Variants in HHIPL1 observed in about 807,000 individuals in gnomAD.
The protein encoded by HHIPL1 is HHIP-like protein 1.
HHIPL1 carries 43 observed loss-of-function variants against 61.8 expected under a neutral mutation model. That is an observed-to-expected ratio of 0.70 (90% CI 0.55 to 0.90). The LOEUF is 0.90. Among genes scored for constraint, HHIPL1 ranks in the 40% least tolerant of loss-of-function variants. The pLI, the probability that HHIPL1 is intolerant of heterozygous loss-of-function variation, is 0.00. For synonymous variants in HHIPL1, 482 were observed against 515.8 expected (o/e 0.93, Z 0.89); for missense variants, 1,056 against 1,157.7 (o/e 0.91, Z 1.28).
intron 2 of HHIPL1, among the ~76,000 whole-genome samples, chr14:99,653,664 C>T (rs766180338): frequency 9.9e-5 from 15 of 152,234 alleles, no homozygotes; most frequent in Admixed American, 2.0e-4. Context: ...TGCTCTCCTT[C>T]CTGCCCTGAA....
At chr14:99,642,804 A>G (rs1005036931), upstream of HHIPL1, among the ~76,000 whole-genome samples, 104 of 151,852 alleles carry the variant, frequency 6.8e-4, no homozygotes, top group African/African-American at 2.2e-3. Context: ...GGTTACAGGC[A>G]TGAGCCACTG....
chr14:99,650,493 G>A (rs1276430908), intron 1 of HHIPL1, among the ~76,000 whole-genome samples: 1 of 152,250 alleles, frequency 6.6e-6, no homozygotes, highest in Non-Finnish European at 1.5e-5. Flanking sequence ...TGGAGCTGTA[G>A]GGGTAGGGTG....
upstream of HHIPL1, among the ~76,000 whole-genome samples, chr14:99,641,730 A>G (rs1289750082): frequency 6.6e-6 from 1 of 150,958 alleles, no homozygotes; most frequent in Non-Finnish European, 1.5e-5. Flanking sequence ...CCTGGTTTCT[A>G]ATGTTTGCTG....
chr14:99,656,818 A>AG (rs2056040556), intron 2 of HHIPL1, among the ~76,000 whole-genome samples, 182 bp from the exon 3 acceptor site: 2 of 6,170 alleles, frequency 3.2e-4, no homozygotes, highest in Admixed American at 6.0e-3. Flanking sequence ...AAAGAAAGAA[A>AG]GAAAGAAAGA....
the HHIPL1 span, among the ~76,000 whole-genome samples, chr14:99,605,580 G>A: frequency 6.6e-6 from 1 of 152,228 alleles, no homozygotes; most frequent in African/African-American, 2.4e-5. Context: ...ATTCTGCAGG[G>A]CACCGAACTG....
upstream of HHIPL1, among the ~76,000 whole-genome samples, chr14:99,643,530 A>C (rs2055780495): frequency 6.6e-6 from 1 of 152,170 alleles, no homozygotes; most frequent in South Asian, 2.1e-4. Context: ...GCTGTGGCCC[A>C]GGCTCTGTGT....
chr14:99,637,259 A>AGAAG, the HHIPL1 span, among the ~76,000 whole-genome samples: 1 of 146,736 alleles, frequency 6.8e-6, no homozygotes, highest in Non-Finnish European at 1.5e-5. Flanking sequence ...AAAGAAAGAA[A>AGAAG]GAAAGAAAAA....
chr14:99,649,202 G>A lies in HHIPL1; in HGVS notation c.256-3022G>A, dbSNP rs115527240. On this transcript the variant is annotated intron_variant, in intron 1 of 8. Coordinates refer to ENST00000330710, the MANE Select transcript of HHIPL1 (RefSeq NM_001127258.3). Reference sequence around the variant, plus strand: ...TGTGTGATTGGGACGCACGGATGCCGAGGTCTTCGGCCTGGCTCCCTGAGG... The same window carrying A: ...TGTGTGATTGGGACGCACGGATGCCAAGGTCTTCGGCCTGGCTCCCTGAGG... Among the ~76,000 whole-genome samples the A allele has an allele frequency of 2.2e-3, 331 of 152,296 alleles. 1 individual carries two copies. The highest frequency in any genetic ancestry group is 7.2e-3 in the African/African-American group (299 of 41,556).
chr14:99,642,203 G>C (rs907748766), upstream of HHIPL1, among the ~76,000 whole-genome samples: 3 of 152,168 alleles, frequency 2.0e-5, 1 homozygote, highest in Admixed American at 2.0e-4. Context: ...ACCTCCCAAA[G>C]TGCTGGGATT....
chr14:99,636,706 G>A, the HHIPL1 span, among the ~76,000 whole-genome samples: 2 of 152,070 alleles, frequency 1.3e-5, no homozygotes. Flanking sequence ...TGCAGCAAGA[G>A]GCCAGGCGTG....
upstream of HHIPL1, among the ~76,000 whole-genome samples, chr14:99,640,880 T>C (rs1382588260): frequency 4.7e-5 from 6 of 127,506 alleles, no homozygotes; most frequent in South Asian, 2.7e-4. Flanking sequence ...TCTTCTTCTT[T>C]TTTTTTTTTT....
rs1313870911 is a variant in HHIPL1, at chr14:99,668,974, G to A, written c.1730+671G>A. ...GGGCCTGGGGCCCAGGGCCAGGGTGGGGCCCAGGCCACTGGCTCCAGAGCC... is the reference window on the plus strand; with the variant it reads ...GGGCCTGGGGCCCAGGGCCAGGGTGAGGCCCAGGCCACTGGCTCCAGAGCC... On this transcript the variant is annotated intron_variant, in intron 7 of 8. Transcript: ENST00000330710. This position sits in a 1 kb window ranked among gnomAD's most constrained non-coding sequence, Gnocchi z 4.7. 1.3e-6 allele frequency: 2 copies of A among 1,577,466 alleles called. No homozygotes were observed. Among genetic ancestry groups the A allele is most frequent in the Admixed American group, 1.8e-5 (1 of 55,236 alleles).
At chr14:99,674,607 C>T (rs1023173441) in intron 8 of HHIPL1, among the ~76,000 whole-genome samples, 2 of 152,154 alleles carry the variant, frequency 1.3e-5, no homozygotes, top group African/African-American at 2.4e-5. Flanking sequence ...AGACCCGCAG[C>T]AGTTTTTACC....
the HHIPL1 span, among the ~76,000 whole-genome samples, chr14:99,609,668 G>A: frequency 5.3e-5 from 8 of 152,340 alleles, no homozygotes; most frequent in South Asian, 1.5e-3. Context: ...ACCGCCAGGG[G>A]CAGCAGTGAG....
chr14:99,614,261 A>G, the HHIPL1 span, among the ~76,000 whole-genome samples: 1 of 152,176 alleles, frequency 6.6e-6, no homozygotes, highest in East Asian at 1.9e-4. Flanking sequence ...GGTGCCCCGG[A>G]GCCCAGAGTC....
the HHIPL1 span, among the ~76,000 whole-genome samples, chr14:99,631,144 G>A: frequency 7.3e-6 from 1 of 137,372 alleles, no homozygotes; most frequent in Non-Finnish European, 1.5e-5. Context: ...TTTTGACAGA[G>A]TCTTGCTGTG....
At position 99,668,890 on chromosome 14, in the gene HHIPL1, T is replaced by C. The variant is rs149568497; in HGVS notation, c.1730+587T>C. 2.4e-5 allele frequency: 38 copies of C among 1,614,106 alleles called. No homozygotes were observed. The Middle Eastern group carries it at 1.2e-3, about 49-fold the overall frequency. On this transcript the variant is annotated intron_variant, in intron 7 of 8. Coordinates refer to ENST00000330710, the MANE Select transcript of HHIPL1 (RefSeq NM_001127258.3). The surrounding 1 kb of genome is among the most constrained non-coding windows in gnomAD (Gnocchi z 4.7). ...CCCAGCTCCTTCCGTGTGCAGCTCA[T>C]TGACGTCTCAGCCGTTCATTTTACA...
At chr14:99,631,110 C>CTTTCTTTCTG in the HHIPL1 span, among the ~76,000 whole-genome samples, 1 of 89,526 alleles carries the variant, frequency 1.1e-5, no homozygotes, top group African/African-American at 4.0e-5. Flanking sequence ...CTTTCTTTCT[C>CTTTCTTTCTG]TCTCTTTCTT....
rs745472385 is a variant in HHIPL1 at position 99,652,227 on chromosome 14, T to C, written c.259T>C (p.Cys87Arg). 6.3e-7 allele frequency: 1 copy of C among 1,594,354 alleles called. No individual in the cohort carries two copies. The change falls in exon 2 of 9, where the codon TGC becomes CGC. Residue 87 changes from cysteine (C) to arginine (R), a missense_variant. Transcript: ENST00000330710. Reference sequence around the variant, plus strand: ...TGAGCCATTACTGTCTCTGCAGGAATGCTCGCCGTATGCAGCCCACCTCTA... The same window carrying C: ...TGAGCCATTACTGTCTCTGCAGGAACGCTCGCCGTATGCAGCCCACCTCTA... The part of the protein sequence containing the change: ...GYARDLLCQE[C>R]SPYAAHLYDA...
Sources: gnomAD v4.1 joint callset for allele counts (sites outside exome capture counted in the v4.1 genomes callset) on GRCh38, gnomAD v4.1.1 for gene constraint, Gnocchi (gnomAD v3.1) non-coding constraint, MANE v1.5 for transcripts, NCBI Gene and HGNC (gene_info 2026-07-23, HGNC 2026-07-21) for gene names.